The following NCAPD3 variants were observed in gnomAD, a reference collection of about 807,000 sequenced individuals.
NCAPD3 encodes the protein condensin-2 complex subunit D3.
In NCAPD3, 105 loss-of-function variants were observed where a neutral mutation model predicts 182.9. The observed-to-expected ratio is 0.57, with a 90% CI of 0.49 to 0.68. The LOEUF (loss-of-function observed/expected upper bound fraction) is 0.68, where lower values mean the gene tolerates loss of function less well. Ranked by LOEUF, NCAPD3 falls within the 30% of genes least tolerant of loss-of-function variation. NCAPD3 has a pLI of 0.00. For missense variants in NCAPD3, 1,944 were observed against 1,837.0 expected, an observed-to-expected ratio of 1.06 and a Z score of -1.07; for synonymous variants, 815 against 679.9, an observed-to-expected ratio of 1.20 and a Z score of -3.09.
At chr11:134,160,939 CTGTT>C (rs1943559514) in intron 28 of NCAPD3, among the ~76,000 whole-genome samples, 1 of 149,744 alleles carries the variant, frequency 6.7e-6, no homozygotes, top group Non-Finnish European at 1.5e-5. Context: ...GATCAAAGCT[CTGTT>C]TTTGTTTTTT....
At chr11:134,154,809 T>C (rs1943374194) in intron 32 of NCAPD3, among the ~76,000 whole-genome samples, 1 of 152,320 alleles carries the variant, frequency 6.6e-6, no homozygotes, top group South Asian at 2.1e-4. Context: ...TGTCTTCCCA[T>C]TTACAGTTCA....
intron 16 of NCAPD3, 96 bp downstream of exon 16, chr11:134,192,593 G>C: frequency 1.9e-6 from 2 of 1,055,602 alleles, no homozygotes; most frequent in Non-Finnish European, 2.8e-6. Context: ...AAGTAATCTG[G>C]AAAGCTGATT....
At position 134,151,795 on chromosome 11, in the gene NCAPD3, G is replaced by GTCTCT. The variant is rs1264058614; in HGVS notation, c.*1144_*1148dup. On this transcript the variant is annotated 3_prime_UTR_variant, in exon 35 of 35. Transcript: ENST00000534548. ...TGTTATTTGCTCTTACGTTGGGTTT[G>GTCTCT]TCTCTTCTTCCTAGCATTTCAGTGG... 2 of 152,148 alleles carry GTCTCT rather than the reference G, an allele frequency of 1.3e-5. No homozygotes were observed. The highest frequency in any genetic ancestry group is 4.8e-5 in the African/African-American group (2 of 41,420). The allele number at this position is 152,148 out of a possible 1,614,324, so 9.4% of individuals were successfully genotyped here. A position where few individuals can be genotyped will look rare whatever the true frequency, so the allele number is the denominator to read the frequency against.
Position 134,223,755 on chromosome 11 carries a change from G to T in NCAPD3, c.64+108C>A, listed in dbSNP as rs1938336964. 7 of 1,348,286 alleles carry T rather than the reference G, an allele frequency of 5.2e-6. No individual in the cohort carries two copies. The Admixed American group carries it at 1.0e-4, about 20-fold the overall frequency. The allele number at this position is 1,348,286 out of a possible 1,614,324, so 83.5% of individuals were successfully genotyped here. On this transcript the variant is annotated intron_variant, in intron 1 of 34. Coordinates refer to ENST00000534548, the MANE Select transcript of NCAPD3 (RefSeq NM_015261.3). Reference sequence around the variant, plus strand: ...GGACCCCAGGCACCGCCGACAGCCGGGCGCCCCCACCCCGCCCCCACCGGC... The same window carrying T: ...GGACCCCAGGCACCGCCGACAGCCGTGCGCCCCCACCCCGCCCCCACCGGC...
rs765724316 is a variant in NCAPD3, at chr11:134,168,116, T to C, written c.3453A>G (p.Ser1151=). ...LLSDTFEVLS[S]KEIKLLAMRS... ...TCATTGCCAAAAGCTTGATCTCCTT[T>C]GAGCTGAGGACCTCAAACGTGTCTG... is the stretch of plus-strand genomic sequence containing the variant. Residue 1151 remains serine (S), a synonymous_variant, in exon 27 of 35, where the codon TCA becomes TCG. Coordinates refer to ENST00000534548, the MANE Select transcript of NCAPD3 (RefSeq NM_015261.3). 15 of 1,613,958 alleles carry C rather than the reference T, an allele frequency of 9.3e-6. No homozygotes were observed. Among genetic ancestry groups the C allele is most frequent in the Admixed American group, 1.7e-5 (1 of 59,990 alleles).
chr11:134,155,251 G>A (rs1040303486), intron 32 of NCAPD3, among the ~76,000 whole-genome samples: 5 of 152,152 alleles, frequency 3.3e-5, no homozygotes, highest in African/African-American at 1.2e-4. Flanking sequence ...CATCTTTCCT[G>A]CCAGCTTTGA....
In NCAPD3 at chr11:134,176,350, GGAA is replaced by G; in HGVS notation, c.3055_3057del (p.Phe1019del). On this transcript the variant is annotated inframe_deletion, in exon 24 of 35. Transcript: ENST00000534548. ...GAATCGATCAGAGTGCTGACAAATC[GGAA>G]GAACAGGGAGCCCTTCCATTTCACA... 6.2e-7 allele frequency: 1 copy of G among 1,614,008 alleles called. No individual in the cohort carries two copies. The highest frequency in any genetic ancestry group is 8.5e-7 in the Non-Finnish European group (1 of 1,179,966).
intron 24 of NCAPD3, among the ~76,000 whole-genome samples, chr11:134,172,777 C>T (rs962503907): frequency 6.6e-5 from 10 of 152,130 alleles, no homozygotes; most frequent in East Asian, 5.8e-4. Context: ...TGGTGGCTCA[C>T]GCCCAATCCC....
rs145520500 is a variant in NCAPD3, at chr11:134,205,042, A to G, written c.1017-71T>C. 1.0e-3 allele frequency: 1,140 copies of G among 1,139,818 alleles called. 12 individuals carry two copies. In the East Asian group the frequency reaches 0.019, roughly 19 times the overall value. The allele number at this position is 1,139,818 out of a possible 1,614,324, so 70.6% of individuals were successfully genotyped here. ...ACTGTCCCCAAAAACCACTACTCCT[A>G]TATTTAGAAATCCTAGTTATTAAAA... On this transcript the variant is annotated intron_variant, in intron 8 of 34. Transcript: ENST00000534548.
chr11:134,151,177 T>A lies in NCAPD3; in HGVS notation c.*1767A>T, dbSNP rs577596179. On this transcript the variant is annotated 3_prime_UTR_variant, in exon 35 of 35. Transcript: ENST00000534548. ...TCAGCTTCCAGTGTCTTGGGTTTTT[T>A]ATACTTTGACAGCTTTTTTTTAATT... is the stretch of plus-strand genomic sequence containing the variant. 6.6e-6 allele frequency: 1 copy of A among 152,266 alleles called. No individual in the cohort carries two copies. The highest frequency in any genetic ancestry group is 6.5e-5 in the Admixed American group (1 of 15,288). The allele number at this position is 152,266 out of a possible 1,614,324, so 9.4% of individuals were successfully genotyped here. A position where few individuals can be genotyped will look rare whatever the true frequency, so the allele number is the denominator to read the frequency against.
At position 134,176,175 on chromosome 11, in the gene NCAPD3, A is replaced by G. The variant is rs928333122; in HGVS notation, c.3101+132T>C. 4 of 698,564 alleles carry G rather than the reference A, an allele frequency of 5.7e-6. No individual in the cohort carries two copies. In the Admixed American group the frequency reaches 8.7e-5, roughly 15 times the overall value. 43.3% of individuals were successfully genotyped at this position (698,564 alleles called of 1,614,324 possible). ...TTGCTTAGCATCTTAAAAATCTGCT[A>G]ATTTTCCTGGCACCTACCGAAAGCT... On this transcript the variant is annotated intron_variant, in intron 24 of 34. Coordinates refer to ENST00000534548, the MANE Select transcript of NCAPD3 (RefSeq NM_015261.3).
In NCAPD3 at chr11:134,155,858, T is replaced by C. The variant is rs1361167065; in HGVS notation, c.4252+1160A>G. On this transcript the variant is annotated intron_variant, in intron 32 of 34. Coordinates refer to ENST00000534548, the MANE Select transcript of NCAPD3 (RefSeq NM_015261.3). ...ATGCCGTCATGATTCGGTTGTCGTC[T>C]GAGGGTGGGGGTGGGATAAACTCCC... 5.3e-5 allele frequency among the ~76,000 whole-genome samples: 6 copies of C among 112,994 alleles called. No homozygotes were observed. The Admixed American group carries it at 6.2e-4, about 12-fold the overall frequency. The allele number at this position is 112,994 out of a possible 152,430, so 74.1% of individuals were successfully genotyped here. A position where few individuals can be genotyped will look rare whatever the true frequency, so the allele number is the denominator to read the frequency against.
intron 7 of NCAPD3, among the ~76,000 whole-genome samples, chr11:134,208,577 C>T (rs142619189): frequency 9.2e-5 from 14 of 152,318 alleles, no homozygotes; most frequent in African/African-American, 3.4e-4. Context: ...AACTGTTCAG[C>T]AGTTTATCTG....
At chr11:134,164,063 A>AT (rs1226573544) in intron 27 of NCAPD3, among the ~76,000 whole-genome samples, 10 of 152,156 alleles carry the variant, frequency 6.6e-5, no homozygotes, top group African/African-American at 2.4e-4. Context: ...TTGTGGCAAG[A>AT]TATGATCAGA....
intron 16 of NCAPD3, among the ~76,000 whole-genome samples, chr11:134,185,733 A>C (rs919192094): frequency 6.6e-6 from 1 of 152,110 alleles, no homozygotes; most frequent in African/African-American, 2.4e-5. Context: ...TATCAGTTAT[A>C]TTCATTTTTC....
intron 17 of NCAPD3, 35 bp from the exon 18 acceptor site, chr11:134,185,035 G>A (rs1291994910): frequency 2.7e-6 from 4 of 1,492,744 alleles, no homozygotes; most frequent in Non-Finnish European, 3.7e-6. Context: ...GAAGGGAGAA[G>A]CAAGTTAAAC....
intron 16 of NCAPD3, among the ~76,000 whole-genome samples, chr11:134,187,983 G>A (rs138964963): frequency 2.6e-5 from 4 of 152,292 alleles, no homozygotes; most frequent in Admixed American, 6.5e-5. Context: ...TTACAGAGGT[G>A]ATGAAGTTAA....
Position 134,168,078 on chromosome 11 carries a change from T to C in NCAPD3, c.3491A>G (p.Asp1164Gly). The change falls in exon 27 of 35, where the codon GAC becomes GGC. Residue 1164 changes from aspartate to glycine, a missense_variant. Asp to Gly is a moderately conservative substitution (Grantham distance 94). Coordinates refer to ENST00000534548, the MANE Select transcript of NCAPD3 (RefSeq NM_015261.3). ...ATCTTCTTCCATAAGGAGGTCTTTGTCTGGTTTAGATCTCATTGCCAAAAG... is the reference window on the plus strand; with the variant it reads ...ATCTTCTTCCATAAGGAGGTCTTTGCCTGGTTTAGATCTCATTGCCAAAAG... ...IKLLAMRSKPDKDLLMEEDDM... is the reference protein window; with the variant it reads ...IKLLAMRSKPGKDLLMEEDDM... The C allele has an allele frequency of 6.2e-7, 1 of 1,614,154 alleles. No homozygotes were observed. Among genetic ancestry groups the C allele is most frequent in the South Asian group, 1.1e-5 (1 of 91,084 alleles).
chr11:134,163,871 C>CAAAAAAAAAAAAA (rs60340458), intron 27 of NCAPD3, among the ~76,000 whole-genome samples: 5 of 70,898 alleles, frequency 7.1e-5, no homozygotes, highest in East Asian at 4.3e-4. Flanking sequence ...GATTCTGTCT[C>CAAAAAAAAAAAAA]AAAAAAAAAA....
Sources: gnomAD v4.1 joint callset for allele counts (sites outside exome capture counted in the v4.1 genomes callset) on GRCh38, gnomAD v4.1.1 for gene constraint, MANE v1.5 for transcripts, NCBI Gene and HGNC (gene_info 2026-07-23, HGNC 2026-07-21) for gene names.